PSKH2: variants seen among roughly 807,000 people sequenced by gnomAD.
The protein encoded by PSKH2 is protein serine kinase H2.
In PSKH2, 16 loss-of-function variants were observed where a neutral mutation model predicts 22.5. The ratio of observed to expected loss-of-function variants is 0.71; its 90% CI spans 0.48 to 1.08. The LOEUF (loss-of-function observed/expected upper bound fraction) is 1.08, where lower values mean the gene tolerates loss of function less well. Ranked by LOEUF, PSKH2 falls within the 50% of genes least tolerant of loss-of-function variation. The pLI, the probability that PSKH2 is intolerant of heterozygous loss-of-function variation, is 0.00. For missense variants in PSKH2, 516 were observed against 492.8 expected (o/e 1.05, Z -0.44); for synonymous variants, 188 against 184.8 (o/e 1.02, Z -0.14).
In PSKH2 at chr8:86,048,686, C is replaced by A. The variant is rs1170946903; in HGVS notation, c.934G>T (p.Gly312Cys). 9.3e-6 allele frequency: 15 copies of A among 1,613,982 alleles called. No homozygotes were observed. Among genetic ancestry groups the A allele is most frequent in the Non-Finnish European group, 1.3e-5 (15 of 1,180,020 alleles). ...ACCCAGGGATGGTCCAGGGCCTGGC[C>A]AGCTGACATGCGATGACCAGCCTCC... ...ILEAGHRMSA[G>C]QALDHPWVIT... The change falls in exon 3 of 3, where the codon GGC becomes TGC. Residue 312 changes from glycine (G) to cysteine (C), a missense_variant. Gly to Cys is a radical substitution (Grantham distance 159). Transcript: ENST00000276616.
chr8:86,069,045 A>G (rs1817907121), intron 1 of PSKH2, among the ~76,000 whole-genome samples: 2 of 152,146 alleles, frequency 1.3e-5, no homozygotes, highest in Admixed American at 6.5e-5. Flanking sequence ...ACGCCTTCGA[A>G]ACAAAAGGCA....
chr8:86,064,274 A>T lies in PSKH2; in HGVS notation c.543T>A (p.His181Gln). Residue 181 changes from histidine (H) to glutamine (Q), a missense_variant, in exon 2 of 3, where the codon CAT becomes CAA. By Grantham distance (24) the His-to-Gln change is conservative (BLOSUM62 0). Coordinates refer to ENST00000276616, the MANE Select transcript of PSKH2 (RefSeq NM_033126.3). ...IRYLHALQITHRNLKPENLLY... is the reference protein window; with the variant it reads ...IRYLHALQITQRNLKPENLLY... ...AGAGGTTTTCAGGCTTTAGATTCCT[A>T]TGAGTTATCTGCAGCGCATGCAAAT... The T allele has an allele frequency of 5.0e-6, 8 of 1,614,158 alleles. No homozygotes were observed. The highest frequency in any genetic ancestry group is 6.8e-6 in the Non-Finnish European group (8 of 1,180,022).
chr8:86,062,621 C>T (rs111629620), intron 2 of PSKH2, among the ~76,000 whole-genome samples: 7 of 148,632 alleles, frequency 4.7e-5, no homozygotes, highest in African/African-American at 1.5e-4. Flanking sequence ...CTCCTGTCAC[C>T]GTGTGAGAAG....
Position 86,048,471 on chromosome 8 carries a change from C to T in PSKH2, c.1149G>A (p.Ala383=), listed in dbSNP as rs773303354. 2.1e-5 allele frequency: 34 copies of T among 1,610,904 alleles called. No homozygotes were observed. Among genetic ancestry groups the T allele is most frequent in the African/African-American group, 2.7e-5 (2 of 74,836 alleles). ...NLRIVESPLS[A]LL ...TTTAGAGGTCATCTGCTTACAAAAG[C>T]GCAGACAGTGGCGATTCTACTATCC... Residue 383 remains alanine, a synonymous_variant, in exon 3 of 3, where the codon GCG becomes GCA. Coordinates refer to ENST00000276616, the MANE Select transcript of PSKH2 (RefSeq NM_033126.3).
intron 2 of PSKH2, among the ~76,000 whole-genome samples, chr8:86,049,700 AAGAAAGAAAGAAAGAAAGAAAGAAAG>A (rs1817587692): frequency 2.6e-5 from 1 of 39,054 alleles, no homozygotes; most frequent in Non-Finnish European, 5.0e-5. Flanking sequence ...GAAAGAAAGA[AAGAAAGAAAGAAAGAAAGAAAGAAAG>A]AAAGAAAGAA....
At chr8:86,058,522 A>G (rs1817735401) in intron 2 of PSKH2, among the ~76,000 whole-genome samples, 1 of 152,254 alleles carries the variant, frequency 6.6e-6, no homozygotes, top group South Asian at 2.1e-4. Context: ...TTGTAATTGA[A>G]TGCATTCTCC....
Position 86,063,974 on chromosome 8 carries a change from A to G in PSKH2, c.843T>C (p.Tyr281=), listed in dbSNP as rs1817814769. ...AATAATGCTCTCTTACCTCTCCTGT[A>G]TAATTATATTTGCCTTTCAGAATCT... The part of the protein sequence containing the change: ...YRKILKGKYN[Y]TGEPWPSISH... The change falls in exon 2 of 3, where the codon TAT becomes TAC. Residue 281 remains tyrosine (Y), a synonymous_variant. Transcript: ENST00000276616. 1.2e-6 allele frequency: 2 copies of G among 1,611,774 alleles called. No homozygotes were observed. Among genetic ancestry groups the G allele is most frequent in the Non-Finnish European group, 1.7e-6 (2 of 1,178,724 alleles).
intron 1 of PSKH2, among the ~76,000 whole-genome samples, chr8:86,068,629 T>C (rs1817898475): frequency 6.6e-6 from 1 of 152,176 alleles, no homozygotes. Flanking sequence ...ATGTTCTACA[T>C]GGTACATGAT....
chr8:86,059,501 C>T (rs1177246140), intron 2 of PSKH2, among the ~76,000 whole-genome samples: 1 of 152,116 alleles, frequency 6.6e-6, no homozygotes, highest in Non-Finnish European at 1.5e-5. Flanking sequence ...GTCCTTATTC[C>T]TTGCCTCATG....
At chr8:86,060,509 T>C (rs1354087614) in intron 2 of PSKH2, among the ~76,000 whole-genome samples, 1 of 152,148 alleles carries the variant, frequency 6.6e-6, no homozygotes, top group Non-Finnish European at 1.5e-5. Flanking sequence ...CTTTTCTGAG[T>C]CTACCGATAT....
At chr8:86,068,074 T>C (rs901409625) in intron 1 of PSKH2, among the ~76,000 whole-genome samples, 17 of 152,230 alleles carry the variant, frequency 1.1e-4, no homozygotes, top group Admixed American at 7.8e-4. Flanking sequence ...AGATGCCATT[T>C]AACCAATTCA....
At chr8:86,060,873 C>A (rs188537051) in intron 2 of PSKH2, among the ~76,000 whole-genome samples, 23 of 152,288 alleles carry the variant, frequency 1.5e-4, no homozygotes, top group African/African-American at 5.5e-4. Flanking sequence ...CACCTCCCAC[C>A]ATGGAGATGC....
At chr8:86,049,802 GAGAAAGAGGA>G (rs1817604088) in intron 2 of PSKH2, among the ~76,000 whole-genome samples, 1 of 149,352 alleles carries the variant, frequency 6.7e-6, no homozygotes, top group African/African-American at 2.5e-5. Flanking sequence ...GAAAGGAAGA[GAGAAAGAGGA>G]AGAAAGAAAG....
At position 86,049,750 on chromosome 8, in the gene PSKH2, C is replaced by CGAAAGAAA. The variant is rs141430833; in HGVS notation, c.853-991_853-984dup. On this transcript the variant is annotated intron_variant, in intron 2 of 2. Transcript: ENST00000276616. Reference sequence around the variant, plus strand: ...AGAAAGAAAGAAAGAAAGAAAGAAACGAAAGAAAGAAAGAAAGAGAAAAGA... The same window carrying CGAAAGAAA: ...AGAAAGAAAGAAAGAAAGAAAGAAACGAAAGAAAGAAAGAAAGAAAGAAAGAGAAAAGA... 3.4e-3 allele frequency among the ~76,000 whole-genome samples: 229 copies of CGAAAGAAA among 67,112 alleles called. 12 individuals are homozygous for CGAAAGAAA. Among genetic ancestry groups the CGAAAGAAA allele is most frequent in the Middle Eastern group, 7.9e-3 (1 of 126 alleles). The allele number at this position is 67,112 out of a possible 152,430, so 44.0% of individuals were successfully genotyped here.
At chr8:86,052,572 G>A (rs1055634423) in intron 2 of PSKH2, among the ~76,000 whole-genome samples, 1 of 152,166 alleles carries the variant, frequency 6.6e-6, no homozygotes, top group Admixed American at 6.5e-5. Context: ...TGTTGCTGTT[G>A]TTCTTGTTAC....
intron 2 of PSKH2, among the ~76,000 whole-genome samples, chr8:86,053,435 G>A (rs187997974): frequency 4.6e-5 from 7 of 152,050 alleles, no homozygotes; most frequent in East Asian, 3.9e-4. Flanking sequence ...TTTATCTAGC[G>A]GTCACACATC....
rs1817911665 is a variant in PSKH2 at position 86,069,432 on chromosome 8, C to T, written c.185+6G>A. 1.9e-6 allele frequency: 3 copies of T among 1,575,576 alleles called. No individual in the cohort carries two copies. Among genetic ancestry groups the T allele is most frequent in the East Asian group, 2.3e-5 (1 of 44,150 alleles). On this transcript the variant is annotated splice_donor_region_variant and intron_variant, in intron 1 of 2. Transcript: ENST00000276616. ...TCCCAGGCCAGTTCCTCACGTGGCG[C>T]TTTACCTGGCAAGGACCCGGGGGTC...
chr8:86,068,465 A>T (rs1272154230), intron 1 of PSKH2, among the ~76,000 whole-genome samples: 1 of 152,232 alleles, frequency 6.6e-6, no homozygotes, highest in Non-Finnish European at 1.5e-5. Context: ...TGAAAACAAT[A>T]ATCAGCATTG....
chr8:86,058,141 G>A (rs1161438068), intron 2 of PSKH2, among the ~76,000 whole-genome samples: 1 of 152,176 alleles, frequency 6.6e-6, no homozygotes, highest in Admixed American at 6.5e-5. Flanking sequence ...TGATGGCACT[G>A]GCAATCAAGT....
Sources: gnomAD v4.1 joint callset for allele counts (sites outside exome capture counted in the v4.1 genomes callset) on GRCh38, gnomAD v4.1.1 for gene constraint, MANE v1.5 for transcripts, NCBI Gene and HGNC (gene_info 2026-07-23, HGNC 2026-07-21) for gene names.